RAD51B: variants seen among roughly 807,000 people sequenced by gnomAD.
RAD51B encodes the protein RAD51 paralog B, also known as DNA repair protein RAD51 homolog 2.
A neutral mutation model predicts 42.2 loss-of-function variants in RAD51B; 38 were observed. That is an observed-to-expected ratio of 0.90 (90% CI 0.70 to 1.18). RAD51B has a LOEUF of 1.18. RAD51B is among the 50% of genes most tolerant of loss of function. The pLI, the probability that RAD51B is intolerant of heterozygous loss-of-function variation, is 0.00. For synonymous variants in RAD51B, 154 were observed against 145.2 expected (o/e 1.06, Z -0.43); for missense variants, 373 against 400.7 (o/e 0.93, Z 0.59).
At chr14:68,657,659 C>A (rs879771792) in intron 11 of RAD51B, among the ~76,000 whole-genome samples, 3 of 152,258 alleles carry the variant, frequency 2.0e-5, no homozygotes, top group Non-Finnish European at 4.4e-5. Flanking sequence ...TTGATCCAGG[C>A]TTTTTCTTCC....
chr14:67,968,356 A>T lies in RAD51B; in HGVS notation c.756+81152A>T, dbSNP rs557060674. On this transcript the variant is annotated intron_variant, in intron 7 of 10. Transcript: ENST00000471583. ...TGTGCAAATTTCTGCAGCCAGCTTG[A>T]ACTTCTCCTCAAAAAATGGGTTTTT... 8.0e-4 allele frequency among the ~76,000 whole-genome samples: 122 copies of T among 152,264 alleles called. 1 individual carries two copies. The highest frequency in any genetic ancestry group is 2.9e-3 in the African/African-American group (121 of 41,566).
intron 8 of RAD51B, among the ~76,000 whole-genome samples, chr14:68,396,840 G>C (rs2083938344): frequency 6.6e-6 from 1 of 152,146 alleles, no homozygotes. Context: ...GGGCGGGGAG[G>C]GGGTAGTTTC....
At chr14:68,110,756 G>A (rs2077447416) in intron 7 of RAD51B, among the ~76,000 whole-genome samples, 1 of 151,824 alleles carries the variant, frequency 6.6e-6, no homozygotes, top group Non-Finnish European at 1.5e-5. Flanking sequence ...CCTTAGCATT[G>A]GTAGAATTTT....
intron 11 of RAD51B, among the ~76,000 whole-genome samples, chr14:68,656,195 C>G (rs902082654): frequency 1.3e-5 from 2 of 152,136 alleles, no homozygotes; most frequent in Admixed American, 6.5e-5. Flanking sequence ...CTTTGAAAAG[C>G]CTGGACCCTG....
chr14:68,674,071 C>T (rs10140387), intron 11 of RAD51B, among the ~76,000 whole-genome samples: 45,196 of 151,990 alleles, frequency 0.3, 6,828 homozygotes, highest in Middle Eastern at 0.34. Context: ...TACACATAAA[C>T]ACACATACTG....
At chr14:68,066,915 C>A (rs1366970520) in intron 7 of RAD51B, among the ~76,000 whole-genome samples, 2 of 151,910 alleles carry the variant, frequency 1.3e-5, no homozygotes, top group Non-Finnish European at 1.5e-5. Flanking sequence ...TTCAAAATTT[C>A]AGGGAGTTAA....
At chr14:68,075,848 C>G (rs1395539496) in intron 7 of RAD51B, among the ~76,000 whole-genome samples, 1 of 152,220 alleles carries the variant, frequency 6.6e-6, no homozygotes, top group Non-Finnish European at 1.5e-5. Context: ...AGCAAACAGG[C>G]AAAGCCCTTT....
At chr14:67,905,182 G>T (rs2043743976) in intron 7 of RAD51B, among the ~76,000 whole-genome samples, 1 of 151,880 alleles carries the variant, frequency 6.6e-6, no homozygotes, top group African/African-American at 2.4e-5. Context: ...AGTAAATGCT[G>T]CTGGGATTAC....
At chr14:68,253,954 A>C (rs1206121115) in intron 7 of RAD51B, among the ~76,000 whole-genome samples, 2 of 152,210 alleles carry the variant, frequency 1.3e-5, no homozygotes, top group Non-Finnish European at 2.9e-5. Context: ...CATTTATTCT[A>C]GTTTTTCAAA....
intron 9 of RAD51B, among the ~76,000 whole-genome samples, chr14:68,459,443 A>G (rs1256125443): frequency 6.6e-6 from 1 of 152,184 alleles, no homozygotes; most frequent in Non-Finnish European, 1.5e-5. Flanking sequence ...TTAACTTACC[A>G]ATGGGTTTTA....
At chr14:67,901,843 A>G (rs2140093839) in intron 7 of RAD51B, among the ~76,000 whole-genome samples, 1 of 151,838 alleles carries the variant, frequency 6.6e-6, no homozygotes, top group Non-Finnish European at 1.5e-5. Flanking sequence ...TATAAGTGGG[A>G]GTGAAATAAT....
chr14:68,105,581 A>G (rs1441110777), intron 7 of RAD51B, among the ~76,000 whole-genome samples: 1 of 151,942 alleles, frequency 6.6e-6, no homozygotes, highest in Non-Finnish European at 1.5e-5. Flanking sequence ...TAAAGATTTT[A>G]AAAATAGATT....
chr14:68,279,828 C>T (rs1274220819), intron 7 of RAD51B, among the ~76,000 whole-genome samples: 1 of 152,150 alleles, frequency 6.6e-6, no homozygotes, highest in Admixed American at 6.5e-5. Flanking sequence ...ATACTATCAT[C>T]ACGTATATTT....
intron 8 of RAD51B, among the ~76,000 whole-genome samples, chr14:68,310,083 T>G (rs2081939009): frequency 6.6e-6 from 1 of 152,230 alleles, no homozygotes; most frequent in Non-Finnish European, 1.5e-5. Context: ...TTCATTGATA[T>G]TCCTGTCTTC....
chr14:68,504,857 C>T (rs1885194986), intron 10 of RAD51B, among the ~76,000 whole-genome samples: 1 of 151,946 alleles, frequency 6.6e-6, no homozygotes, highest in African/African-American at 2.4e-5. Flanking sequence ...CATCTGGGAC[C>T]CCAGTCTCAT....
chr14:68,422,120 G>A, intron 9 of RAD51B: 1 of 1,447,072 alleles, frequency 6.9e-7, no homozygotes, highest in Non-Finnish European at 9.7e-7. Context: ...GATCTTGTCT[G>A]CAAACAGCTC....
downstream of RAD51B, among the ~76,000 whole-genome samples, chr14:68,598,795 C>G (rs1891104482): frequency 6.6e-6 from 1 of 152,216 alleles, no homozygotes; most frequent in South Asian, 2.1e-4. Flanking sequence ...TTTCTGTCAG[C>G]AGGCATGGAA....
chr14:68,546,663 A>C (rs1359188363), intron 10 of RAD51B, among the ~76,000 whole-genome samples: 1 of 152,184 alleles, frequency 6.6e-6, no homozygotes, highest in Non-Finnish European at 1.5e-5. Flanking sequence ...AAAAAATAGA[A>C]GCCCCAAAAC....
chr14:68,532,280 A>C (rs1887360546), intron 10 of RAD51B, among the ~76,000 whole-genome samples: 1 of 152,206 alleles, frequency 6.6e-6, no homozygotes, highest in Non-Finnish European at 1.5e-5. Context: ...CAAAAGAATG[A>C]ACAAATCCAG....
Sources: gnomAD v4.1 joint callset for allele counts (sites outside exome capture counted in the v4.1 genomes callset) on GRCh38, gnomAD v4.1.1 for gene constraint, MANE v1.5 for transcripts, NCBI Gene and HGNC (gene_info 2026-07-23, HGNC 2026-07-21) for gene names.